The following TRPC1 variants were observed in gnomAD, a reference collection of about 807,000 sequenced individuals.
TRPC1 encodes transient receptor potential cation channel subfamily C member 1, also known as short transient receptor potential channel 1.
Under a neutral mutation model 88.2 loss-of-function variants are expected in TRPC1, and 42 were observed. That is an observed-to-expected ratio of 0.48 (90% CI 0.37 to 0.62). The LOEUF (loss-of-function observed/expected upper bound fraction) is 0.62, where lower values mean the gene tolerates loss of function less well. TRPC1 is among the 20% of genes least tolerant of loss of function. The pLI, the probability that TRPC1 is intolerant of heterozygous loss-of-function variation, is 0.00. For synonymous variants in TRPC1, 288 were observed against 331.8 expected, an observed-to-expected ratio of 0.87 and a Z score of 1.43; for missense variants, 699 against 957.3, an observed-to-expected ratio of 0.73 and a Z score of 3.56.
chr3:142,754,547 TAAAA>T (rs1467194570), intron 4 of TRPC1, among the ~76,000 whole-genome samples: 1 of 152,226 alleles, frequency 6.6e-6, no homozygotes, highest in Admixed American at 6.5e-5. Flanking sequence ...AAAATAAAAA[TAAAA>T]AACAAAAATT....
chr3:142,771,154 A>G (rs1935562518), intron 4 of TRPC1, among the ~76,000 whole-genome samples: 1 of 152,366 alleles, frequency 6.6e-6, no homozygotes, highest in East Asian at 1.9e-4. Context: ...AACATCTCCA[A>G]CAAGGCCCCA....
intron 7 of TRPC1, among the ~76,000 whole-genome samples, chr3:142,789,950 TA>T (rs1319391827): frequency 6.6e-6 from 1 of 152,138 alleles, no homozygotes; most frequent in Non-Finnish European, 1.5e-5. Flanking sequence ...GATAATCAAT[TA>T]ATAATAGACC....
At chr3:142,750,963 A>G (rs1169779743) in intron 4 of TRPC1, among the ~76,000 whole-genome samples, 2 of 152,236 alleles carry the variant, frequency 1.3e-5, no homozygotes, top group African/African-American at 4.8e-5. Flanking sequence ...AAAATTAACA[A>G]TAGTAAAAAG....
At position 142,785,789 on chromosome 3, in the gene TRPC1, G is replaced by A. The variant is rs556631671; in HGVS notation, c.1297+749G>A. Among the ~76,000 whole-genome samples, 24 of 152,206 alleles carry A rather than the reference G, an allele frequency of 1.6e-4. 1 individual carries two copies. In the South Asian group the frequency reaches 3.5e-3, roughly 22 times the overall value. On this transcript the variant is annotated intron_variant, in intron 7 of 12. Transcript: ENST00000476941. ...GCTGGGATTATAGGCCTGAGCCACC[G>A]TGCCCGGCCTAGAACCTATGAACTT...
intron 6 of TRPC1, among the ~76,000 whole-genome samples, chr3:142,781,727 T>G (rs557967113): frequency 1.3e-5 from 2 of 152,276 alleles, no homozygotes; most frequent in Admixed American, 6.5e-5. Flanking sequence ...AACAGTGATA[T>G]TCATATGTAG....
chr3:142,724,584 A>T lies in TRPC1; in HGVS notation c.25A>T (p.Thr9Ser). Residue 9 changes from threonine (T) to serine (S), a missense_variant, in exon 1 of 13, where the codon ACG becomes TCG. Physicochemically the swap from Thr to Ser is moderately conservative, Grantham distance 58. Coordinates refer to ENST00000476941, the MANE Select transcript of TRPC1 (RefSeq NM_001251845.2). The surrounding 1 kb of genome is among the most constrained non-coding windows in gnomAD (Gnocchi z 5.6). ...GATGATGGCGGCCCTGTACCCGAGC[A>T]CGGACCTCTCGGGCGCCTCCTCCTC... MMAALYPS[T>S]DLSGASSSSL... The T allele has an allele frequency of 1.3e-6, 2 of 1,591,348 alleles. No homozygotes were observed. The highest frequency in any genetic ancestry group is 1.7e-6 in the Non-Finnish European group (2 of 1,170,370).
intron 4 of TRPC1, among the ~76,000 whole-genome samples, chr3:142,771,230 G>A (rs1935564726): frequency 6.6e-6 from 1 of 152,144 alleles, no homozygotes; most frequent in African/African-American, 2.4e-5. Context: ...ACTATATCAT[G>A]TAGCATTTTT....
chr3:142,764,126 T>A (rs1033061178), intron 4 of TRPC1, among the ~76,000 whole-genome samples: 1 of 150,944 alleles, frequency 6.6e-6, no homozygotes. Flanking sequence ...ATTTTCACTT[T>A]TAGTTGTCAA....
At position 142,754,076 on chromosome 3, in the gene TRPC1, C is replaced by G. The variant is rs1405571047; in HGVS notation, c.632+5616C>G. On this transcript the variant is annotated intron_variant, in intron 4 of 12. Coordinates refer to ENST00000476941, the MANE Select transcript of TRPC1 (RefSeq NM_001251845.2). The stretch of plus-strand genomic sequence containing the variant: ...CTCTACCCTAGCCTAAGTGACAGAG[C>G]GAGACTCCGTCTCAAAAAAAAAAAA... Among the ~76,000 whole-genome samples the G allele has an allele frequency of 6.9e-5, 8 of 115,864 alleles. No individual in the cohort carries two copies. In the Admixed American group the frequency reaches 9.7e-4, roughly 14 times the overall value. The allele number at this position is 115,864 out of a possible 152,430, so 76.0% of individuals were successfully genotyped here.
intron 7 of TRPC1, among the ~76,000 whole-genome samples, chr3:142,786,273 C>T (rs1436131323): frequency 2.0e-5 from 3 of 152,250 alleles, no homozygotes; most frequent in African/African-American, 7.2e-5. Context: ...TTGATTACTA[C>T]ATTCCTGATT....
At chr3:142,773,807 C>G (rs962097307) in intron 4 of TRPC1, among the ~76,000 whole-genome samples, 1 of 149,200 alleles carries the variant, frequency 6.7e-6, no homozygotes, top group Admixed American at 6.9e-5. Context: ...CCGCCCCCCT[C>G]TCCCCCATAG....
At chr3:142,782,941 A>G (rs1422104153) in intron 6 of TRPC1, among the ~76,000 whole-genome samples, 1 of 152,174 alleles carries the variant, frequency 6.6e-6, no homozygotes, top group East Asian at 1.9e-4. Context: ...TCCAGTGAGC[A>G]AGGTGGAAGA....
At chr3:142,727,110 A>T (rs889768726) in intron 1 of TRPC1, among the ~76,000 whole-genome samples, 1 of 152,184 alleles carries the variant, frequency 6.6e-6, no homozygotes, top group African/African-American at 2.4e-5. Flanking sequence ...ACACATCCAT[A>T]TTTGGACTTA....
chr3:142,800,559 A>G (rs937371134), intron 9 of TRPC1, among the ~76,000 whole-genome samples: 1 of 152,124 alleles, frequency 6.6e-6, no homozygotes, highest in African/African-American at 2.4e-5. Context: ...GATGTAATTA[A>G]TTATATAAAT....
In TRPC1 at chr3:142,776,174, A is replaced by T. The variant is rs964843883; in HGVS notation, c.633-1458A>T. 2.6e-5 allele frequency among the ~76,000 whole-genome samples: 4 copies of T among 152,170 alleles called. No homozygotes were observed. Among genetic ancestry groups the T allele is most frequent in the Non-Finnish European group, 5.9e-5 (4 of 68,026 alleles). ...TTTTTAAAAAGCAAGCTGTTCCTTTATTATGTCTGATTATGTTCGTGTGTG... is the reference window on the plus strand; with the variant it reads ...TTTTTAAAAAGCAAGCTGTTCCTTTTTTATGTCTGATTATGTTCGTGTGTG... On this transcript the variant is annotated intron_variant, in intron 4 of 12. Coordinates refer to ENST00000476941, the MANE Select transcript of TRPC1 (RefSeq NM_001251845.2). This position sits in a 1 kb window ranked among gnomAD's most constrained non-coding sequence, Gnocchi z 4.1.
intron 3 of TRPC1, among the ~76,000 whole-genome samples, chr3:142,747,245 T>C (rs957093797): frequency 2.6e-5 from 4 of 152,180 alleles, no homozygotes; most frequent in African/African-American, 9.7e-5. Flanking sequence ...AAAATGTTCC[T>C]TGGGTAGTAG....
At chr3:142,725,238 C>G (rs1042918423) in intron 1 of TRPC1, among the ~76,000 whole-genome samples, 3 of 152,152 alleles carry the variant, frequency 2.0e-5, no homozygotes, top group African/African-American at 7.2e-5. Context: ...TTCACCTGAC[C>G]AGTGCTTTAG....
intron 1 of TRPC1, among the ~76,000 whole-genome samples, chr3:142,727,191 A>G (rs1319238677): frequency 6.6e-6 from 1 of 152,200 alleles, no homozygotes; most frequent in Admixed American, 6.5e-5. Flanking sequence ...CATTTGTTCA[A>G]TGAAGGGTAA....
chr3:142,763,137 T>G (rs1935243941), intron 4 of TRPC1, among the ~76,000 whole-genome samples: 2 of 152,158 alleles, frequency 1.3e-5, no homozygotes, highest in South Asian at 4.1e-4. Context: ...GAATGTATAT[T>G]CTGTAGCAAT....
Sources: gnomAD v4.1 joint callset for allele counts (sites outside exome capture counted in the v4.1 genomes callset) on GRCh38, gnomAD v4.1.1 for gene constraint, Gnocchi (gnomAD v3.1) non-coding constraint, MANE v1.5 for transcripts, NCBI Gene and HGNC (gene_info 2026-07-23, HGNC 2026-07-21) for gene names.